The following ABLIM2 variants were observed in gnomAD, a reference collection of about 807,000 sequenced individuals.
The protein encoded by ABLIM2 is actin-binding LIM protein 2.
ABLIM2 carries 53 observed loss-of-function variants against 97.7 expected under a neutral mutation model. The ratio of observed to expected loss-of-function variants is 0.54; its 90% CI spans 0.44 to 0.68. The LOEUF is 0.68. Ranked by LOEUF, ABLIM2 falls within the 30% of genes least tolerant of loss-of-function variation. The pLI, the probability that ABLIM2 is intolerant of heterozygous loss-of-function variation, is 0.00. For missense variants in ABLIM2, 835 were observed against 867.2 expected (o/e 0.96, Z 0.47); for synonymous variants, 361 against 345.8 (o/e 1.04, Z -0.49).
intron 6 of ABLIM2, among the ~76,000 whole-genome samples, chr4:8,064,661 G>A (rs572446407): frequency 9.8e-5 from 15 of 152,290 alleles, no homozygotes; most frequent in Admixed American, 3.3e-4. Context: ...GGATGCTGGT[G>A]AACTGATCCA....
intron 4 of ABLIM2, among the ~76,000 whole-genome samples, chr4:8,084,268 G>A (rs1821837465): frequency 6.6e-6 from 1 of 152,176 alleles, no homozygotes; most frequent in South Asian, 2.1e-4. Context: ...CCTGCCATGG[G>A]CCCAGAGCGG....
intron 14 of ABLIM2, among the ~76,000 whole-genome samples, chr4:8,017,139 A>C (rs1428773094): frequency 1.3e-5 from 2 of 152,138 alleles, no homozygotes; most frequent in African/African-American, 4.8e-5. Flanking sequence ...TCAGCCCTTG[A>C]GTAGATGACA....
rs913555596 is a variant in ABLIM2, at chr4:8,075,941, A to T, written c.675+1687T>A. On this transcript the variant is annotated intron_variant, in intron 6 of 20. Transcript: ENST00000447017. This position sits in a 1 kb window ranked among gnomAD's most constrained non-coding sequence, Gnocchi z 4.4. ...TACATGGAAAGAAAAAACGAAAGAAAACTGGCCAGAAAGTTAGGCTAACTA... is the reference window on the plus strand; with the variant it reads ...TACATGGAAAGAAAAAACGAAAGAATACTGGCCAGAAAGTTAGGCTAACTA... Among the ~76,000 whole-genome samples the T allele has an allele frequency of 2.0e-5, 3 of 152,220 alleles. No individual in the cohort carries two copies. Among genetic ancestry groups the T allele is most frequent in the Non-Finnish European group, 4.4e-5 (3 of 68,052 alleles).
At chr4:8,029,544 A>C in intron 11 of ABLIM2, 112 bp downstream of exon 11, 2 of 1,247,104 alleles carry the variant, frequency 1.6e-6, no homozygotes, top group Non-Finnish European at 2.1e-6. Context: ...TCATATTTCC[A>C]GTTGTATAAG....
chr4:8,063,205 G>A (rs1029460739), intron 6 of ABLIM2, among the ~76,000 whole-genome samples: 5 of 151,994 alleles, frequency 3.3e-5, no homozygotes, highest in African/African-American at 9.7e-5. Flanking sequence ...AGCTGGGACT[G>A]CAGGCACACG....
intron 6 of ABLIM2, among the ~76,000 whole-genome samples, chr4:8,064,701 C>T (rs898271970): frequency 4.6e-5 from 7 of 152,138 alleles, no homozygotes; most frequent in African/African-American, 1.7e-4. Flanking sequence ...AGAGAACAGG[C>T]CCCAGGTTTA....
At position 8,091,720 on chromosome 4, in the gene ABLIM2, AAT is replaced by A. The variant is rs1428817576; in HGVS notation, c.339-3438_339-3437del. Among the ~76,000 whole-genome samples the A allele has an allele frequency of 5.5e-4, 42 of 76,968 alleles. 6 individuals are homozygous for A. The highest frequency in any genetic ancestry group is 8.7e-4 in the Non-Finnish European group (39 of 44,852). 50.5% of individuals were successfully genotyped at this position (76,968 alleles called of 152,430 possible). A position where few individuals can be genotyped will look rare whatever the true frequency, so the allele number is the denominator to read the frequency against. ...TATAATATACATAATATAATTATATAATATATATTATATTAATATGTATTATA... is the reference window on the plus strand; with the variant it reads ...TATAATATACATAATATAATTATATAATATATTATATTAATATGTATTATA... On this transcript the variant is annotated intron_variant, in intron 3 of 20. Coordinates refer to ENST00000447017, the MANE Select transcript of ABLIM2 (RefSeq NM_001130083.2).
rs1470725202 is a variant in ABLIM2 at position 8,022,411 on chromosome 4, G to A, written c.1268-2108C>T. 2.0e-5 allele frequency among the ~76,000 whole-genome samples: 3 copies of A among 152,216 alleles called. No homozygotes were observed. Among genetic ancestry groups the A allele is most frequent in the Non-Finnish European group, 4.4e-5 (3 of 68,032 alleles). On this transcript the variant is annotated intron_variant, in intron 12 of 20. Transcript: ENST00000447017. This position sits in a 1 kb window ranked among gnomAD's most constrained non-coding sequence, Gnocchi z 7.8. Reference sequence around the variant, plus strand: ...GGACACATGTGCACGTCTATTTGAGGAGGGTCCGGAGACTCATCAGCTTTC... The same window carrying A: ...GGACACATGTGCACGTCTATTTGAGAAGGGTCCGGAGACTCATCAGCTTTC...
At position 8,004,989 on chromosome 4, in the gene ABLIM2, C is replaced by T. The variant is rs1760141737; in HGVS notation, c.1618+3070G>A. 6.6e-6 allele frequency among the ~76,000 whole-genome samples: 1 copy of T among 152,168 alleles called. No homozygotes were observed. The highest frequency in any genetic ancestry group is 6.5e-5 in the Admixed American group (1 of 15,284). The stretch of plus-strand genomic sequence containing the variant: ...TCCCTGCTGGGGAACAGGGACTGGG[C>T]CATGCTCACCACTGCCTAGCACCAT... On this transcript the variant is annotated intron_variant, in intron 16 of 20. Coordinates refer to ENST00000447017, the MANE Select transcript of ABLIM2 (RefSeq NM_001130083.2). This position sits in a 1 kb window ranked among gnomAD's most constrained non-coding sequence, Gnocchi z 5.9.
rs2152930204 is a variant in ABLIM2 at position 8,130,883 on chromosome 4, G to C, written c.11-24246C>G. ...CTTGCCTTGCCTGGCTGCTGGGGCGGCCTGCATTTCCTGACTTGTGGACGG... is the reference window on the plus strand; with the variant it reads ...CTTGCCTTGCCTGGCTGCTGGGGCGCCCTGCATTTCCTGACTTGTGGACGG... On this transcript the variant is annotated intron_variant, in intron 1 of 20. Transcript: ENST00000447017. The surrounding 1 kb of genome is among the most constrained non-coding windows in gnomAD (Gnocchi z 4.2). Among the ~76,000 whole-genome samples, 1 of 152,314 alleles carries C rather than the reference G, an allele frequency of 6.6e-6. No individual in the cohort carries two copies. The highest frequency in any genetic ancestry group is 1.9e-4 in the East Asian group (1 of 5,188).
At chr4:8,074,173 G>A (rs912810071) in intron 6 of ABLIM2, among the ~76,000 whole-genome samples, 1 of 150,100 alleles carries the variant, frequency 6.7e-6, no homozygotes. Flanking sequence ...GCTAGACCCT[G>A]CAGGGTGCGG....
intron 1 of ABLIM2, among the ~76,000 whole-genome samples, chr4:8,136,473 C>G (rs1366014666): frequency 6.6e-6 from 1 of 152,152 alleles, no homozygotes; most frequent in African/African-American, 2.4e-5. Context: ...AAAAATGATG[C>G]CAATAGATGC....
rs1018440359 is a variant in ABLIM2, at chr4:8,140,439, G to A, written c.10+18241C>T. Among the ~76,000 whole-genome samples the A allele has an allele frequency of 6.6e-5, 10 of 152,108 alleles. No individual in the cohort carries two copies. Among genetic ancestry groups the A allele is most frequent in the African/African-American group, 2.2e-4 (9 of 41,414 alleles). ...GGAACTTCGTGAAACAGTGCCAGAGGAGGACCGCATCGTGCACCACCTGGA... is the reference window on the plus strand; with the variant it reads ...GGAACTTCGTGAAACAGTGCCAGAGAAGGACCGCATCGTGCACCACCTGGA... On this transcript the variant is annotated intron_variant, in intron 1 of 20. Transcript: ENST00000447017. The surrounding 1 kb of genome is among the most constrained non-coding windows in gnomAD (Gnocchi z 5.9).
intron 12 of ABLIM2, among the ~76,000 whole-genome samples, chr4:8,024,333 G>T (rs1027950159): frequency 3.9e-5 from 6 of 152,238 alleles, no homozygotes; most frequent in Non-Finnish European, 7.4e-5. Flanking sequence ...AAGTGCCCAT[G>T]GCTGTGGCCA....
At chr4:8,029,903 T>G in intron 10 of ABLIM2, 127 bp from the exon 11 acceptor site, 1 of 1,290,694 alleles carries the variant, frequency 7.7e-7, no homozygotes. Context: ...CATGGCCCCA[T>G]GTGGGAATCT....
At chr4:8,109,080 G>C (rs1163946785) in intron 1 of ABLIM2, among the ~76,000 whole-genome samples, 2 of 152,250 alleles carry the variant, frequency 1.3e-5, no homozygotes, top group Non-Finnish European at 2.9e-5. Flanking sequence ...AGCTCATCCC[G>C]TGGAAGGAAG....
intron 1 of ABLIM2, among the ~76,000 whole-genome samples, chr4:8,143,166 G>C (rs1041872957): frequency 6.7e-6 from 1 of 149,042 alleles, no homozygotes; most frequent in Non-Finnish European, 1.5e-5. Flanking sequence ...GAGTGGGGGG[G>C]GGGGGCGTCT....
chr4:7,973,436 G>C (rs1207588991), intron 20 of ABLIM2, among the ~76,000 whole-genome samples: 1 of 151,932 alleles, frequency 6.6e-6, no homozygotes, highest in African/African-American at 2.4e-5. Flanking sequence ...AGGAGGTGGA[G>C]GTTGCAGTAA....
At chr4:7,983,405 A>G in intron 19 of ABLIM2, 61 bp from the exon 20 acceptor site, 7 of 1,585,906 alleles carry the variant, frequency 4.4e-6, no homozygotes, top group Non-Finnish European at 5.2e-6. Context: ...GCACCAAAGA[A>G]CTGAGCAGAA....
Sources: allele counts gnomAD v4.1 joint callset (sites outside exome capture counted in the v4.1 genomes callset), GRCh38; gene constraint gnomAD v4.1.1; non-coding constraint Gnocchi (gnomAD v3.1); transcripts MANE v1.5; gene names NCBI Gene and HGNC (gene_info 2026-07-23, HGNC 2026-07-21).